Variants in IL1RAPL2 observed in about 807,000 individuals in gnomAD.
IL1RAPL2 encodes interleukin 1 receptor accessory protein like 2.
A neutral mutation model predicts 44.1 loss-of-function variants in IL1RAPL2; 3 were observed. That is an observed-to-expected ratio of 0.07 (90% CI 0.03 to 0.18). IL1RAPL2 has a LOEUF of 0.18. Ranked by LOEUF, IL1RAPL2 falls within the 10% of genes least tolerant of loss-of-function variation. The pLI, the probability that IL1RAPL2 is intolerant of heterozygous loss-of-function variation, is 1.00. For missense variants in IL1RAPL2, 391 were observed against 496.4 expected (o/e 0.79, Z 2.02); for synonymous variants, 181 against 178.8 (o/e 1.01, Z -0.10).
chrX:104,747,565 C>T (rs1932196332), intron 2 of IL1RAPL2, among the ~76,000 whole-genome samples: 1 of 110,821 alleles, frequency 9.0e-6, no homozygotes, highest in Non-Finnish European at 1.9e-5. Flanking sequence ...ACAAAGGGGC[C>T]ATATAGACTA....
chrX:105,067,084 A>G (rs781205097), intron 2 of IL1RAPL2, among the ~76,000 whole-genome samples: 7 of 112,014 alleles, frequency 6.2e-5, no homozygotes, highest in Non-Finnish European at 1.3e-4. Flanking sequence ...GTTGTTTTGC[A>G]AGTTCCGCTG....
intron 5 of IL1RAPL2, among the ~76,000 whole-genome samples, chrX:105,319,187 A>G (rs1197909182): frequency 8.9e-6 from 1 of 111,890 alleles, no homozygotes; most frequent in East Asian, 2.8e-4. Flanking sequence ...TTTCAACCTG[A>G]AAAATATTCC....
chrX:104,770,660 G>A (rs1932627687), intron 2 of IL1RAPL2, among the ~76,000 whole-genome samples: 1 of 112,115 alleles, frequency 8.9e-6, no homozygotes, highest in African/African-American at 3.2e-5. Context: ...GCGAGAGTCT[G>A]ACTCCAAAAC....
chrX:105,119,991 T>C (rs953402301), intron 2 of IL1RAPL2, among the ~76,000 whole-genome samples: 1 of 109,611 alleles, frequency 9.1e-6, no homozygotes, highest in Non-Finnish European at 1.9e-5. Context: ...ACTGTCCCAG[T>C]TTTTACTGAT....
chrX:104,620,402 G>A (rs1458227468), intron 1 of IL1RAPL2, among the ~76,000 whole-genome samples: 2 of 108,603 alleles, frequency 1.8e-5, no homozygotes, highest in African/African-American at 6.7e-5. Context: ...CACTTTGGGA[G>A]GCCGAGGCGG....
At chrX:105,002,009 T>C (rs1602881354) in intron 2 of IL1RAPL2, among the ~76,000 whole-genome samples, 1 of 110,832 alleles carries the variant, frequency 9.0e-6, no homozygotes, top group African/African-American at 3.3e-5. Context: ...AAAATAAAAG[T>C]GATGAGTTTC....
At chrX:105,670,114 T>C (rs1334160391) in intron 6 of IL1RAPL2, among the ~76,000 whole-genome samples, 1 of 34,668 alleles carries the variant, frequency 2.9e-5, no homozygotes, top group South Asian at 1.2e-3. Flanking sequence ...TGTATATATA[T>C]ATATATATAT....
intron 2 of IL1RAPL2, among the ~76,000 whole-genome samples, chrX:104,941,012 T>A (rs1379258441): frequency 1.8e-5 from 2 of 109,042 alleles, no homozygotes; most frequent in South Asian, 4.1e-4. Context: ...TTGCTCCATG[T>A]CCCTACAAAG....
chrX:104,791,493 C>T lies in IL1RAPL2; in HGVS notation c.82+132498C>T, dbSNP rs1352353906. Among the ~76,000 whole-genome samples, 20 of 111,765 alleles carry T rather than the reference C, an allele frequency of 1.8e-4. No individual in the cohort carries two copies. The Admixed American group carries it at 1.9e-3, about 11-fold the overall frequency. On this transcript the variant is annotated intron_variant, in intron 2 of 10. Transcript: ENST00000372582. ...GAAAATAGCAACAGATATAGATACA[C>T]TTATGTTTGTGTGCAAACACACACA...
intron 5 of IL1RAPL2, among the ~76,000 whole-genome samples, chrX:105,283,629 G>A (rs1466984823): frequency 1.8e-5 from 2 of 110,846 alleles, no homozygotes; most frequent in Admixed American, 9.7e-5. Context: ...GACTGAGGGA[G>A]GTCAGATTTT....
At chrX:104,933,199 C>T (rs1023304929) in intron 2 of IL1RAPL2, among the ~76,000 whole-genome samples, 3 of 111,484 alleles carry the variant, frequency 2.7e-5, no homozygotes, top group African/African-American at 9.8e-5. Context: ...AGCAAACCAA[C>T]ATGGCACATG....
chrX:105,191,424 A>C (rs2033632200), intron 2 of IL1RAPL2, among the ~76,000 whole-genome samples: 1 of 111,866 alleles, frequency 8.9e-6, no homozygotes, highest in African/African-American at 3.3e-5. Context: ...CATATTGGCC[A>C]GGCTGGTCTT....
rs186603403 is a variant in IL1RAPL2 at position 104,892,286 on chromosome X, G to T, written c.82+233291G>T. ...TTTGTTGTGTCTCTGTCAGGCTTTG[G>T]TATCAGGATGATACTGGCCTCATAA... On this transcript the variant is annotated intron_variant, in intron 2 of 10. Coordinates refer to ENST00000372582, the MANE Select transcript of IL1RAPL2 (RefSeq NM_017416.2). Among the ~76,000 whole-genome samples the T allele has an allele frequency of 2.6e-3, 292 of 111,690 alleles. 1 individual carries two copies. Among genetic ancestry groups the T allele is most frequent in the Admixed American group, 6.2e-3 (65 of 10,552 alleles).
At chrX:104,908,870 G>T (rs1569340020) in intron 2 of IL1RAPL2, among the ~76,000 whole-genome samples, 1 of 111,043 alleles carries the variant, frequency 9.0e-6, no homozygotes, top group Non-Finnish European at 1.9e-5. Flanking sequence ...GATTGGGGAA[G>T]TTCTCCTGAA....
intron 2 of IL1RAPL2, among the ~76,000 whole-genome samples, chrX:104,964,287 T>G (rs866424721): frequency 8.5e-4 from 43 of 50,726 alleles, no homozygotes; most frequent in African/African-American, 2.0e-3. Flanking sequence ...GGGATTTATT[T>G]ATTTATTTAT....
At chrX:105,737,436 T>G (rs2038459859) in intron 7 of IL1RAPL2, among the ~76,000 whole-genome samples, 1 of 111,627 alleles carries the variant, frequency 9.0e-6, no homozygotes, top group Admixed American at 9.5e-5. Flanking sequence ...CATTTTGATC[T>G]TTAATTCCAA....
chrX:104,878,770 G>T (rs1425805972), intron 2 of IL1RAPL2, among the ~76,000 whole-genome samples: 1 of 111,569 alleles, frequency 9.0e-6, no homozygotes, highest in African/African-American at 3.3e-5. Context: ...TTAAAGGGCA[G>T]ATATTTCTGG....
At chrX:105,285,721 G>C (rs1280498568) in intron 5 of IL1RAPL2, among the ~76,000 whole-genome samples, 2 of 111,712 alleles carry the variant, frequency 1.8e-5, no homozygotes, top group Non-Finnish European at 3.8e-5. Flanking sequence ...CCTGAGCCTT[G>C]CCTAGGAGGC....
chrX:104,915,872 T>C (rs1424295403), intron 2 of IL1RAPL2, among the ~76,000 whole-genome samples: 1 of 111,770 alleles, frequency 8.9e-6, no homozygotes, highest in African/African-American at 3.3e-5. Flanking sequence ...AAAGATCAGA[T>C]AGTTGTAGAT....
Sources: allele counts gnomAD v4.1 joint callset (sites outside exome capture counted in the v4.1 genomes callset), GRCh38; gene constraint gnomAD v4.1.1; transcripts MANE v1.5; gene names NCBI Gene and HGNC (gene_info 2026-07-23, HGNC 2026-07-21).